THRB: variants seen among roughly 807,000 people sequenced by gnomAD.
The protein encoded by THRB is nuclear receptor subfamily 1 group A member 2.
A neutral mutation model predicts 47.8 loss-of-function variants in THRB; 12 were observed. The ratio of observed to expected loss-of-function variants is 0.25; its 90% CI spans 0.16 to 0.41. THRB has a LOEUF of 0.41. Among genes scored for constraint, THRB ranks in the 10% least tolerant of loss-of-function variants. THRB has a pLI of 1.00. For synonymous variants in THRB, 218 were observed against 212.2 expected (o/e 1.03, Z -0.24); for missense variants, 348 against 589.2 (o/e 0.59, Z 4.24).
intron 5 of THRB, among the ~76,000 whole-genome samples, chr3:24,163,247 A>T (rs556051787): frequency 6.6e-6 from 1 of 152,278 alleles, no homozygotes; most frequent in South Asian, 2.1e-4. Flanking sequence ...ATTTAAGAAT[A>T]TTTGCCTGTT....
intron 4 of THRB, among the ~76,000 whole-genome samples, chr3:24,190,778 C>T (rs1415224534): frequency 1.3e-5 from 2 of 151,784 alleles, no homozygotes; most frequent in Non-Finnish European, 2.9e-5. Flanking sequence ...TTATCACAAG[C>T]TGACCTGAGG....
intron 5 of THRB, among the ~76,000 whole-genome samples, chr3:24,168,946 A>T (rs1213340993): frequency 6.6e-6 from 1 of 152,100 alleles, no homozygotes; most frequent in Non-Finnish European, 1.5e-5. Context: ...CTGGAAGAGT[A>T]TGTAGGACAT....
chr3:24,233,583 G>GAAAA (rs797022573), intron 3 of THRB, among the ~76,000 whole-genome samples: 1 of 111,546 alleles, frequency 9.0e-6, no homozygotes, highest in Non-Finnish European at 2.0e-5. Flanking sequence ...AAGAAAGAAA[G>GAAAA]AAAGAAAGAA....
At chr3:24,346,528 T>C (rs1428745749) in intron 1 of THRB, among the ~76,000 whole-genome samples, 1 of 152,002 alleles carries the variant, frequency 6.6e-6, no homozygotes, top group Non-Finnish European at 1.5e-5. Context: ...ACATATACTA[T>C]ATTATTTTTT....
At chr3:24,423,001 G>T (rs981870203) in intron 1 of THRB, among the ~76,000 whole-genome samples, 6 of 151,874 alleles carry the variant, frequency 4.0e-5, no homozygotes, top group African/African-American at 1.4e-4. Context: ...GCCAGCTTCT[G>T]TGTAAAGGGC....
intron 1 of THRB, among the ~76,000 whole-genome samples, chr3:24,487,343 AGC>A (rs1491509113): frequency 6.8e-6 from 1 of 147,264 alleles, no homozygotes; most frequent in Non-Finnish European, 1.5e-5. Flanking sequence ...TAGACACACA[AGC>A]ACACACACAC....
chr3:24,313,270 A>G (rs1261926942), intron 2 of THRB, among the ~76,000 whole-genome samples: 2 of 152,112 alleles, frequency 1.3e-5, no homozygotes, highest in Non-Finnish European at 2.9e-5. Flanking sequence ...TGCACCACTC[A>G]TCTTTTCAGG....
intron 4 of THRB, among the ~76,000 whole-genome samples, chr3:24,205,776 C>T (rs1167634449): frequency 6.6e-6 from 1 of 152,056 alleles, no homozygotes; most frequent in African/African-American, 2.4e-5. Flanking sequence ...CAGAGACACA[C>T]ATAGGCTCAA....
chr3:24,188,469 C>A (rs1009028323), intron 5 of THRB, among the ~76,000 whole-genome samples: 11 of 152,104 alleles, frequency 7.2e-5, no homozygotes, highest in Non-Finnish European at 1.2e-4. Flanking sequence ...GAGACTGTTT[C>A]CTTTTGCTTT....
chr3:24,239,078 A>T (rs62253726), intron 3 of THRB, among the ~76,000 whole-genome samples: 13,443 of 152,102 alleles, frequency 0.088, 743 homozygotes, highest in African/African-American at 0.15. Flanking sequence ...AGTAGTTGGA[A>T]TTACAGGCAC....
chr3:24,162,692 A>G (rs983281823), intron 5 of THRB, among the ~76,000 whole-genome samples: 8 of 151,640 alleles, frequency 5.3e-5, no homozygotes, highest in African/African-American at 1.9e-4. Flanking sequence ...AATGCAAAAA[A>G]AAAAAAAAAA....
intron 4 of THRB, among the ~76,000 whole-genome samples, chr3:24,224,257 T>C (rs2047434701): frequency 6.6e-6 from 1 of 152,220 alleles, no homozygotes; most frequent in African/African-American, 2.4e-5. Context: ...GTAATAAATA[T>C]GTATTCATCG....
At chr3:24,264,000 A>T (rs1263539607) in intron 3 of THRB, among the ~76,000 whole-genome samples, 1 of 152,170 alleles carries the variant, frequency 6.6e-6, no homozygotes, top group Non-Finnish European at 1.5e-5. Context: ...GAACATATTT[A>T]TGTCTTACTG....
intron 1 of THRB, among the ~76,000 whole-genome samples, chr3:24,478,159 A>G (rs1373404289): frequency 1.3e-5 from 2 of 152,188 alleles, no homozygotes; most frequent in Non-Finnish European, 2.9e-5. Context: ...TGAGCCAGTC[A>G]TTGTAACTGT....
chr3:24,352,392 G>C (rs2063411481), intron 1 of THRB, among the ~76,000 whole-genome samples: 1 of 152,128 alleles, frequency 6.6e-6, no homozygotes. Context: ...TCCCTATGAG[G>C]ATAGGGCTGT....
At chr3:24,345,972 A>T (rs1228772042) in intron 1 of THRB, among the ~76,000 whole-genome samples, 1 of 152,160 alleles carries the variant, frequency 6.6e-6, no homozygotes, top group Non-Finnish European at 1.5e-5. Context: ...AAAATTAAAT[A>T]AAGTTAATAA....
At chr3:24,156,054 G>A (rs527291267) in intron 5 of THRB, among the ~76,000 whole-genome samples, 1 of 152,302 alleles carries the variant, frequency 6.6e-6, no homozygotes, top group East Asian at 1.9e-4. Flanking sequence ...AACTCCATCT[G>A]TTCAACAAAG....
intron 1 of THRB, among the ~76,000 whole-genome samples, chr3:24,437,060 G>GTA (rs566442202): frequency 1.1e-3 from 157 of 149,390 alleles, no homozygotes; most frequent in Non-Finnish European, 1.7e-3. Context: ...ATAAAAATGT[G>GTA]TATATATATA....
intron 3 of THRB, among the ~76,000 whole-genome samples, chr3:24,289,924 C>A (rs2055747818): frequency 6.6e-6 from 1 of 152,184 alleles, no homozygotes; most frequent in African/African-American, 2.4e-5. Flanking sequence ...CCATCCCCAG[C>A]AAAGGCCTCC....
Sources: gnomAD v4.1 joint callset for allele counts (sites outside exome capture counted in the v4.1 genomes callset) on GRCh38, gnomAD v4.1.1 for gene constraint, MANE v1.5 for transcripts, NCBI Gene and HGNC (gene_info 2026-07-23, HGNC 2026-07-21) for gene names.